Variants in CADPS2 observed in about 807,000 individuals in gnomAD.
The protein encoded by CADPS2 is calcium dependent secretion activator 2, also known as calcium-dependent secretion activator 2.
CADPS2 carries 93 observed loss-of-function variants against 172.5 expected under a neutral mutation model. The observed-to-expected ratio is 0.54, with a 90% CI of 0.46 to 0.64. The LOEUF (loss-of-function observed/expected upper bound fraction) is 0.64. CADPS2 is among the 30% of genes least tolerant of loss of function. The probability of loss-of-function intolerance (pLI) is 0.00; values close to 1 mark genes in which losing one functional copy is unlikely to be tolerated. For synonymous variants in CADPS2, 546 were observed against 555.2 expected, an observed-to-expected ratio of 0.98 and a Z score of 0.23; for missense variants, 1,420 against 1,565.9, an observed-to-expected ratio of 0.91 and a Z score of 1.57.
intron 2 of CADPS2, chr7:122,698,365 A>C (rs1394751086): frequency 6.2e-7 from 1 of 1,613,830 alleles, no homozygotes; most frequent in South Asian, 1.1e-5. Flanking sequence ...ATTCATCCAG[A>C]TGATGTGCTT....
intron 7 of CADPS2, among the ~76,000 whole-genome samples, chr7:122,570,312 T>G (rs1317567053): frequency 6.6e-6 from 1 of 151,982 alleles, no homozygotes; most frequent in East Asian, 1.9e-4. Flanking sequence ...TCAGAGAAAT[T>G]GAAATCAAAA....
At chr7:122,807,229 A>T (rs1798973304) in intron 1 of CADPS2, among the ~76,000 whole-genome samples, 5 of 152,146 alleles carry the variant, frequency 3.3e-5, no homozygotes. Context: ...CCCAGTGAAC[A>T]TGTCACCATG....
In CADPS2 at chr7:122,480,840, G is replaced by T. The variant is rs746180127; in HGVS notation, c.1861+12C>A. 3.3e-6 allele frequency: 5 copies of T among 1,508,872 alleles called. No homozygotes were observed. In the Admixed American group the frequency reaches 6.2e-5, roughly 19 times the overall value. The allele number at this position is 1,508,872 out of a possible 1,614,324, so 93.5% of individuals were successfully genotyped here. A position where few individuals can be genotyped will look rare whatever the true frequency, so the allele number is the denominator to read the frequency against. ...TAAAACATCTAATTTTAAAAATCAT[G>T]AAAATACTTACCTTTACCAGCTACA... On this transcript the variant is annotated intron_variant, in intron 12 of 29. Coordinates refer to ENST00000449022, the MANE Select transcript of CADPS2 (RefSeq NM_017954.11).
rs1585806147 is a variant in CADPS2, at chr7:122,416,301, A to G, written c.2477-137T>C. On this transcript the variant is annotated intron_variant, in intron 17 of 29. Transcript: ENST00000449022. Reference sequence around the variant, plus strand: ...AAATGAATACATTATTTAGACAAAAAAAAAAAAACAGTTCACCAGATTGCA... The same window carrying G: ...AAATGAATACATTATTTAGACAAAAGAAAAAAAACAGTTCACCAGATTGCA... The G allele has an allele frequency of 3.0e-5, 14 of 469,604 alleles. No homozygotes were observed. In the East Asian group the frequency reaches 4.2e-4, roughly 14 times the overall value. 29.1% of individuals were successfully genotyped at this position (469,604 alleles called of 1,614,324 possible).
At chr7:122,361,968 G>A (rs1439281111) in intron 25 of CADPS2, among the ~76,000 whole-genome samples, 2 of 152,134 alleles carry the variant, frequency 1.3e-5, no homozygotes, top group Non-Finnish European at 2.9e-5. Flanking sequence ...AGCTACTCGG[G>A]AGGCTGAGGC....
chr7:122,619,631 C>T (rs181917101), intron 5 of CADPS2, among the ~76,000 whole-genome samples: 43 of 151,824 alleles, frequency 2.8e-4, no homozygotes, highest in African/African-American at 9.2e-4. Flanking sequence ...AGTCTCCAAA[C>T]AAATAAATAA....
At chr7:122,541,805 A>G (rs868444028) in intron 8 of CADPS2, among the ~76,000 whole-genome samples, 81 of 113,348 alleles carry the variant, frequency 7.1e-4, no homozygotes, top group East Asian at 2.8e-3. Flanking sequence ...ATTCATATAT[A>G]TTTATATATT....
At chr7:122,572,494 A>G (rs2067402837) in intron 7 of CADPS2, among the ~76,000 whole-genome samples, 1 of 152,136 alleles carries the variant, frequency 6.6e-6, no homozygotes, top group Non-Finnish European at 1.5e-5. Flanking sequence ...AAATGTTTTT[A>G]TAGCAAAATT....
Position 122,554,646 on chromosome 7 carries a change from A to G in CADPS2, c.1379T>C (p.Leu460Ser). The G allele has an allele frequency of 6.2e-7, 1 of 1,611,228 alleles. No homozygotes were observed. Among genetic ancestry groups the G allele is most frequent in the Non-Finnish European group, 8.5e-7 (1 of 1,178,606 alleles). Residue 460 changes from leucine (L) to serine (S), a missense_variant, in exon 8 of 30, where the codon TTA becomes TCA. By Grantham distance (145) the Leu-to-Ser change is moderately radical (BLOSUM62 -2). Transcript: ENST00000449022. ...ATTTTTTGGAACTACCATTCGGTGT[A>G]ATTCAGCTGATTTGGAGCTATTAGA... ...PTSNSSKSAE[L>S]HRMVVPKNSQ...
intron 1 of CADPS2, among the ~76,000 whole-genome samples, chr7:122,786,600 C>A (rs897133713): frequency 2.0e-5 from 3 of 151,964 alleles, no homozygotes; most frequent in Admixed American, 6.6e-5. Context: ...TATGGCACAA[C>A]CTTTGTGGAT....
chr7:122,393,785 T>C (rs1194356508), intron 20 of CADPS2, among the ~76,000 whole-genome samples: 1 of 152,186 alleles, frequency 6.6e-6, no homozygotes, highest in South Asian at 2.1e-4. Flanking sequence ...TATATATGGC[T>C]GTCAAAACAC....
At chr7:122,634,884 AT>A (rs1321752181) in intron 3 of CADPS2, among the ~76,000 whole-genome samples, 1 of 151,994 alleles carries the variant, frequency 6.6e-6, no homozygotes, top group East Asian at 1.9e-4. Flanking sequence ...GAAGTTTTTG[AT>A]TTCTGTCTTA....
intron 6 of CADPS2, among the ~76,000 whole-genome samples, chr7:122,614,370 A>G (rs964574921): frequency 3.3e-5 from 5 of 152,248 alleles, no homozygotes; most frequent in South Asian, 2.1e-4. Context: ...TTTCTCATAT[A>G]TCTTCAGTGC....
intron 9 of CADPS2, among the ~76,000 whole-genome samples, 197 bp downstream of exon 9, chr7:122,513,052 A>T (rs1277819874): frequency 6.6e-6 from 1 of 152,170 alleles, no homozygotes; most frequent in Admixed American, 6.5e-5. Flanking sequence ...TATTTCACTA[A>T]ATTGTTTGGC....
At chr7:122,701,038 C>T (rs915983378) in intron 2 of CADPS2, among the ~76,000 whole-genome samples, 4 of 151,668 alleles carry the variant, frequency 2.6e-5, no homozygotes, top group African/African-American at 7.3e-5. Flanking sequence ...TTATTAGATA[C>T]CAAAATTAGT....
chr7:122,648,412 G>A (rs546960309), intron 3 of CADPS2, among the ~76,000 whole-genome samples: 26 of 152,020 alleles, frequency 1.7e-4, no homozygotes, highest in Non-Finnish European at 2.6e-4. Context: ...CTGCAATCTC[G>A]ACATGGACAA....
At chr7:122,633,982 T>A (rs2076817443) in intron 3 of CADPS2, among the ~76,000 whole-genome samples, 1 of 152,212 alleles carries the variant, frequency 6.6e-6, no homozygotes, top group Non-Finnish European at 1.5e-5. Flanking sequence ...ATGTGGTGAA[T>A]TATCTTTATT....
rs144103139 is a variant in CADPS2, at chr7:122,454,635, G to T, written c.2187-3160C>A. 2.0e-5 allele frequency among the ~76,000 whole-genome samples: 3 copies of T among 152,102 alleles called. 1 individual carries two copies. Among genetic ancestry groups the T allele is most frequent in the Admixed American group, 2.0e-4 (3 of 15,256 alleles). Reference sequence around the variant, plus strand: ...ATCAGCAAGTCAGTTAAAGAAGACCGTAAGAAAGGAAGTCCTAAACCTTGC... The same window carrying T: ...ATCAGCAAGTCAGTTAAAGAAGACCTTAAGAAAGGAAGTCCTAAACCTTGC... On this transcript the variant is annotated intron_variant, in intron 14 of 29. Transcript: ENST00000449022.
intron 28 of CADPS2, among the ~76,000 whole-genome samples, chr7:122,327,905 A>G (rs899513137): frequency 4.6e-5 from 7 of 152,008 alleles, no homozygotes; most frequent in Middle Eastern, 3.4e-3. Context: ...TCTATCAGCA[A>G]AAGCTTCTAA....
Sources: allele counts gnomAD v4.1 joint callset (sites outside exome capture counted in the v4.1 genomes callset), GRCh38; gene constraint gnomAD v4.1.1; transcripts MANE v1.5; gene names NCBI Gene and HGNC (gene_info 2026-07-23, HGNC 2026-07-21).